ZPLD1: variants seen among roughly 807,000 people sequenced by gnomAD.
ZPLD1 encodes zona pellucida-like domain-containing protein 1.
ZPLD1 carries 34 observed loss-of-function variants against 47.2 expected under a neutral mutation model. The observed-to-expected ratio is 0.72, with a 90% CI of 0.55 to 0.96. The LOEUF (loss-of-function observed/expected upper bound fraction) is 0.96, where lower values mean the gene tolerates loss of function less well. Among genes scored for constraint, ZPLD1 ranks in the 40% least tolerant of loss-of-function variants. ZPLD1 has a pLI of 0.00. For missense variants in ZPLD1, 512 were observed against 505.8 expected, an observed-to-expected ratio of 1.01 and a Z score of -0.12; for synonymous variants, 176 against 186.2, an observed-to-expected ratio of 0.95 and a Z score of 0.45.
intron 3 of ZPLD1, among the ~76,000 whole-genome samples, chr3:102,451,480 T>C (rs1487735954): frequency 6.6e-6 from 1 of 152,148 alleles, no homozygotes; most frequent in Non-Finnish European, 1.5e-5. Context: ...CTAATTGGTA[T>C]AATAAGGTAA....
At chr3:102,386,342 G>A (rs1379768561) in intron 6 of ZPLD1, among the ~76,000 whole-genome samples, 2 of 149,032 alleles carry the variant, frequency 1.3e-5, no homozygotes, top group East Asian at 3.9e-4. Flanking sequence ...CCATGTTTGA[G>A]AACTTTTCCT....
In ZPLD1 at chr3:102,396,555, C is replaced by T. The variant is rs368937213; in HGVS notation, c.-157+4330C>T. Among the ~76,000 whole-genome samples the T allele has an allele frequency of 5.2e-4, 79 of 152,184 alleles. 1 individual carries two copies. Among genetic ancestry groups the T allele is most frequent in the African/African-American group, 1.8e-3 (75 of 41,538 alleles). On this transcript the variant is annotated intron_variant, in intron 7 of 17. Transcript: ENST00000491959. ...TTAGCTACATAAAACTGTGAAAAAA[C>T]GTGCCCATCAGCATCAAGGAGATGT...
At chr3:102,452,271 T>A (rs1707350072) in intron 3 of ZPLD1, among the ~76,000 whole-genome samples, 2 of 145,756 alleles carry the variant, frequency 1.4e-5, no homozygotes, top group South Asian at 4.3e-4. Flanking sequence ...TTTTTTTTTT[T>A]ACTGAGGCAT....
At chr3:102,421,279 G>GT (rs1419612138) in intron 8 of ZPLD1, among the ~76,000 whole-genome samples, 1 of 151,820 alleles carries the variant, frequency 6.6e-6, no homozygotes, top group African/African-American at 2.4e-5. Flanking sequence ...TATTACATGA[G>GT]TTGTACTTTG....
chr3:102,402,199 TTAAG>T (rs1365455184), intron 7 of ZPLD1, among the ~76,000 whole-genome samples: 2 of 152,048 alleles, frequency 1.3e-5, no homozygotes, highest in Non-Finnish European at 2.9e-5. Context: ...CTTTTTTAGT[TTAAG>T]TATTTTACTG....
intron 6 of ZPLD1, among the ~76,000 whole-genome samples, chr3:102,390,007 A>G (rs551986335): frequency 3.3e-5 from 5 of 152,154 alleles, no homozygotes; most frequent in Non-Finnish European, 7.4e-5. Flanking sequence ...AGACCTTTGA[A>G]GGGATACTTG....
intron 7 of ZPLD1, among the ~76,000 whole-genome samples, chr3:102,396,964 T>C (rs1052393820): frequency 3.9e-5 from 6 of 152,160 alleles, no homozygotes; most frequent in East Asian, 1.9e-4. Flanking sequence ...TTGGTACCTA[T>C]GGCATAGGTT....
At position 102,403,967 on chromosome 3, in the gene ZPLD1, C is replaced by G. The variant is rs560416710; in HGVS notation, c.-157+11742C>G. Among the ~76,000 whole-genome samples, 20 of 152,030 alleles carry G rather than the reference C, an allele frequency of 1.3e-4. 1 individual carries two copies. In the East Asian group the frequency reaches 3.7e-3, roughly 28 times the overall value. ...GGCATGGAAAATTGCAAAGTAGTAC[C>G]TAGACATTTAAAAAATGAAGTCAGA... On this transcript the variant is annotated intron_variant, in intron 7 of 17. Coordinates refer to the ZPLD1 transcript ENST00000491959.
intron 4 of ZPLD1, 36 bp from the exon 5 acceptor site, chr3:102,456,157 C>T (rs1707409292): frequency 6.4e-7 from 1 of 1,574,196 alleles, no homozygotes; most frequent in African/African-American, 1.4e-5. Flanking sequence ...TATATATAGC[C>T]ATTTAATCAT....
chr3:102,442,789 A>G (rs1276899454), intron 3 of ZPLD1, among the ~76,000 whole-genome samples: 1 of 152,174 alleles, frequency 6.6e-6, no homozygotes, highest in South Asian at 2.1e-4. Flanking sequence ...TTTAATTTCC[A>G]TGGCATTTAT....
intron 6 of ZPLD1, 137 bp from the exon 7 acceptor site, chr3:102,462,144 G>A (rs1001851394): frequency 3.8e-6 from 2 of 528,078 alleles, no homozygotes; most frequent in South Asian, 3.1e-5. Context: ...AGAGGGTCAC[G>A]TAAATCCTTT....
At chr3:102,465,204 G>A (rs547400724) in intron 8 of ZPLD1, among the ~76,000 whole-genome samples, 93 of 152,204 alleles carry the variant, frequency 6.1e-4, no homozygotes, top group African/African-American at 2.2e-3. Context: ...TGACATTCTG[G>A]TCTATCAGTG....
At chr3:102,445,753 T>A (rs1707247027) in intron 3 of ZPLD1, among the ~76,000 whole-genome samples, 2 of 152,258 alleles carry the variant, frequency 1.3e-5, no homozygotes, top group Admixed American at 1.3e-4. Context: ...TAGCCCCAGC[T>A]GGCCATCATG....
intron 7 of ZPLD1, among the ~76,000 whole-genome samples, chr3:102,399,665 A>G (rs1283818799): frequency 5.3e-5 from 8 of 152,146 alleles, no homozygotes; most frequent in Admixed American, 4.6e-4. Context: ...AAAGAAAAAA[A>G]TAAAAAATAC....
chr3:102,416,667 G>A (rs1359743881), intron 7 of ZPLD1, among the ~76,000 whole-genome samples: 8 of 151,814 alleles, frequency 5.3e-5, no homozygotes, highest in Non-Finnish European at 1.5e-5. Context: ...ATATTTGGGG[G>A]TACATGCAAT....
intron 8 of ZPLD1, among the ~76,000 whole-genome samples, chr3:102,424,760 C>T (rs965428764): frequency 1.3e-5 from 2 of 152,218 alleles, no homozygotes; most frequent in Non-Finnish European, 2.9e-5. Flanking sequence ...AGTACATACA[C>T]AGTGCTCTCT....
intron 8 of ZPLD1, among the ~76,000 whole-genome samples, chr3:102,419,609 A>C (rs1706852127): frequency 6.6e-6 from 1 of 151,644 alleles, no homozygotes; most frequent in African/African-American, 2.4e-5. Context: ...AAGGGCCTAT[A>C]ATAATGCAGA....
chr3:102,417,788 A>T (rs1315188830), intron 7 of ZPLD1, among the ~76,000 whole-genome samples: 1 of 151,820 alleles, frequency 6.6e-6, no homozygotes, highest in Non-Finnish European at 1.5e-5. Context: ...TTTTTTTTCC[A>T]GCAGGCTTTC....
At chr3:102,442,125 A>AAGT (rs1707188591) in intron 3 of ZPLD1, among the ~76,000 whole-genome samples, 2 of 152,192 alleles carry the variant, frequency 1.3e-5, no homozygotes, top group Admixed American at 6.5e-5. Flanking sequence ...AGAGAGGAGA[A>AAGT]AGTACTTCTA....
Sources: gnomAD v4.1 joint callset for allele counts (sites outside exome capture counted in the v4.1 genomes callset) on GRCh38, gnomAD v4.1.1 for gene constraint, MANE v1.5 for transcripts, NCBI Gene and HGNC (gene_info 2026-07-23, HGNC 2026-07-21) for gene names.